Variants in DCDC2 observed in about 807,000 individuals in gnomAD.
The protein encoded by DCDC2 is doublecortin domain containing 2.
A neutral mutation model predicts 50.2 loss-of-function variants in DCDC2; 40 were observed. The observed-to-expected ratio is 0.80, with a 90% confidence interval of 0.62 to 1.04. The LOEUF (loss-of-function observed/expected upper bound fraction) is 1.04. Ranked by LOEUF, DCDC2 falls within the 50% of genes least tolerant of loss-of-function variation. The pLI is 0.00. For synonymous variants in DCDC2, 234 were observed against 210.6 expected (o/e 1.11, Z -0.96); for missense variants, 570 against 581.9 (o/e 0.98, Z 0.21).
rs577640747 is a variant in DCDC2, at chr6:24,284,422, A to G, written c.759+4430T>C. Among the ~76,000 whole-genome samples, 3 of 151,992 alleles carry G rather than the reference A, an allele frequency of 2.0e-5. No homozygotes were observed. The South Asian group carries it at 6.2e-4, about 32-fold the overall frequency. ...GGAGTTCAAGACCAGCCTTGCCAAG[A>G]TGGTGAAACCCCGTCTCTACTAAAA... On this transcript the variant is annotated intron_variant, in intron 6 of 9. Coordinates refer to ENST00000378454, the MANE Select transcript of DCDC2 (RefSeq NM_016356.5).
At chr6:24,175,593 C>G (rs1464623411) in intron 9 of DCDC2, among the ~76,000 whole-genome samples, 1 of 152,270 alleles carries the variant, frequency 6.6e-6, no homozygotes, top group Non-Finnish European at 1.5e-5. Context: ...TGACTGGTGC[C>G]GTGTCTTATT....
At chr6:24,359,036 A>T (rs1385044088), upstream of DCDC2, among the ~76,000 whole-genome samples, 2 of 32,098 alleles carry the variant, frequency 6.2e-5, no homozygotes, top group Admixed American at 5.8e-4. Flanking sequence ...TTTATATTTT[A>T]TATATATTAT....
At chr6:24,308,359 C>G (rs965881615) in intron 2 of DCDC2, among the ~76,000 whole-genome samples, 20 of 152,208 alleles carry the variant, frequency 1.3e-4, no homozygotes, top group African/African-American at 4.8e-4. Flanking sequence ...CTAAATCTAA[C>G]TAAAACGGCA....
intron 4 of DCDC2, among the ~76,000 whole-genome samples, chr6:24,295,864 G>A (rs180930735): frequency 9.2e-5 from 14 of 152,286 alleles, no homozygotes; most frequent in Middle Eastern, 3.4e-3. Flanking sequence ...GTCATGGATA[G>A]GAAGAATTAG....
At chr6:24,252,674 A>G (rs1360918263) in intron 7 of DCDC2, among the ~76,000 whole-genome samples, 5 of 152,226 alleles carry the variant, frequency 3.3e-5, no homozygotes, top group East Asian at 1.9e-4. Context: ...TCTCAAAGCC[A>G]AAGTACAAAA....
rs886520965 is a variant in DCDC2 at position 24,172,725 on chromosome 6, G to C, written c.*2005C>G. Reference sequence around the variant, plus strand: ...AAGACCAACTGGGACCGGGTGCTGTGGCTCACACCTGTAATCCCAGCATTT... The same window carrying C: ...AAGACCAACTGGGACCGGGTGCTGTCGCTCACACCTGTAATCCCAGCATTT... On this transcript the variant is annotated 3_prime_UTR_variant, in exon 10 of 10. Transcript: ENST00000378454. The C allele has an allele frequency of 6.6e-6, 1 of 152,070 alleles. No homozygotes were observed. Among genetic ancestry groups the C allele is most frequent in the Non-Finnish European group, 1.5e-5 (1 of 68,016 alleles). The allele number at this position is 152,070 out of a possible 1,614,324, so 9.4% of individuals were successfully genotyped here.
chr6:24,228,630 A>C (rs1762281052), intron 7 of DCDC2, among the ~76,000 whole-genome samples: 1 of 152,250 alleles, frequency 6.6e-6, no homozygotes, highest in South Asian at 2.1e-4. Flanking sequence ...ATTTATAAGC[A>C]TTTCCAAGTC....
intron 7 of DCDC2, among the ~76,000 whole-genome samples, chr6:24,255,953 CACT>C (rs1331833721): frequency 6.6e-6 from 1 of 152,092 alleles, no homozygotes; most frequent in Non-Finnish European, 1.5e-5. Flanking sequence ...TTTATAATAG[CACT>C]ACTCAATCAA....
At chr6:24,184,821 T>A (rs1413038518) in intron 8 of DCDC2, among the ~76,000 whole-genome samples, 3 of 152,212 alleles carry the variant, frequency 2.0e-5, no homozygotes, top group Non-Finnish European at 4.4e-5. Context: ...ATGGTTTTGA[T>A]CCTTACTGTG....
intron 7 of DCDC2, among the ~76,000 whole-genome samples, chr6:24,249,728 G>A (rs1260584192): frequency 1.3e-5 from 2 of 152,144 alleles, no homozygotes; most frequent in Non-Finnish European, 2.9e-5. Flanking sequence ...GCATTTCTCA[G>A]GAATATCATA....
At chr6:24,296,336 T>A (rs141275222) in intron 4 of DCDC2, among the ~76,000 whole-genome samples, 2,174 of 152,208 alleles carry the variant, frequency 0.014, 17 homozygotes, top group Middle Eastern at 0.044. Context: ...TCAAAATGGA[T>A]TAAAGACTTA....
chr6:24,337,785 A>T (rs1313983724), intron 2 of DCDC2, among the ~76,000 whole-genome samples: 2 of 129,696 alleles, frequency 1.5e-5, no homozygotes, highest in Non-Finnish European at 3.3e-5. Context: ...GCCATAGAGC[A>T]AGACTCCGTC....
chr6:24,237,045 T>C (rs527721760), intron 7 of DCDC2, among the ~76,000 whole-genome samples: 1 of 150,406 alleles, frequency 6.6e-6, no homozygotes, highest in East Asian at 1.9e-4. Flanking sequence ...AGGACATGAA[T>C]AGACACTCAC....
intron 8 of DCDC2, among the ~76,000 whole-genome samples, chr6:24,196,073 G>A (rs1320704671): frequency 2.0e-5 from 3 of 152,192 alleles, no homozygotes; most frequent in Non-Finnish European, 4.4e-5. Flanking sequence ...TCATTTAGAT[G>A]ACAGGAAAAC....
chr6:24,176,164 T>C (rs1353811630), intron 9 of DCDC2, among the ~76,000 whole-genome samples: 1 of 152,064 alleles, frequency 6.6e-6, no homozygotes, highest in African/African-American at 2.4e-5. Flanking sequence ...CCTGGCATGG[T>C]GGCACCTGTG....
upstream of DCDC2, among the ~76,000 whole-genome samples, chr6:24,362,018 C>A (rs1007917810): frequency 9.2e-5 from 14 of 152,128 alleles, no homozygotes; most frequent in Admixed American, 2.6e-4. Context: ...AGATGCCAGT[C>A]TAACATCACT....
At chr6:24,200,938 C>A (rs1761573322) in intron 8 of DCDC2, among the ~76,000 whole-genome samples, 2 of 151,992 alleles carry the variant, frequency 1.3e-5, no homozygotes, top group South Asian at 4.1e-4. Context: ...GTAAAGGGAT[C>A]AATTCAACAA....
intron 2 of DCDC2, among the ~76,000 whole-genome samples, chr6:24,307,525 G>A (rs931034914): frequency 6.6e-6 from 1 of 152,108 alleles, no homozygotes; most frequent in African/African-American, 2.4e-5. Flanking sequence ...GGAAAAGTAG[G>A]TTCTCAAAAT....
At chr6:24,215,456 G>A (rs529731683) in intron 7 of DCDC2, among the ~76,000 whole-genome samples, 27 of 152,172 alleles carry the variant, frequency 1.8e-4, no homozygotes, top group Non-Finnish European at 1.3e-4. Context: ...GAGTTGCCTG[G>A]ACAGAAGCAG....
Sources: gnomAD v4.1 joint callset for allele counts (sites outside exome capture counted in the v4.1 genomes callset) on GRCh38, gnomAD v4.1.1 for gene constraint, MANE v1.5 for transcripts, NCBI Gene and HGNC (gene_info 2026-07-23, HGNC 2026-07-21) for gene names.